Variants in IMMP2L observed in about 807,000 individuals in gnomAD.
IMMP2L encodes inner mitochondrial membrane peptidase subunit 2.
Under a neutral mutation model 19.3 loss-of-function variants are expected in IMMP2L, and 18 were observed. The observed-to-expected ratio is 0.93, with a 90% CI of 0.64 to 1.38. IMMP2L has a LOEUF of 1.38. Ranked by LOEUF, IMMP2L falls within the 40% of genes most tolerant of loss-of-function variation. The pLI is 0.00. For synonymous variants in IMMP2L, 76 were observed against 73.0 expected (o/e 1.04, Z -0.21); for missense variants, 233 against 218.2 (o/e 1.07, Z -0.43).
chr7:111,077,550 T>C (rs1795520485), intron 3 of IMMP2L, among the ~76,000 whole-genome samples: 1 of 152,184 alleles, frequency 6.6e-6, no homozygotes, highest in Non-Finnish European at 1.5e-5. Context: ...TACTGTCATC[T>C]CTCAACATCT....
At chr7:111,096,641 G>A (rs1447623774) in intron 3 of IMMP2L, among the ~76,000 whole-genome samples, 1 of 151,724 alleles carries the variant, frequency 6.6e-6, no homozygotes, top group African/African-American at 2.4e-5. Flanking sequence ...ACTTGGCAAA[G>A]GTCTCAAAAA....
chr7:111,384,602 A>G (rs960726972), intron 3 of IMMP2L, among the ~76,000 whole-genome samples: 1 of 152,096 alleles, frequency 6.6e-6, no homozygotes, highest in Non-Finnish European at 1.5e-5. Context: ...GCCTTTGTAT[A>G]ATAGGTAAAA....
At chr7:111,327,349 C>A (rs1825428043) in intron 3 of IMMP2L, among the ~76,000 whole-genome samples, 1 of 151,630 alleles carries the variant, frequency 6.6e-6, no homozygotes, top group Admixed American at 6.6e-5. Context: ...CCTCATTTAA[C>A]CTGCTTTATG....
intron 3 of IMMP2L, among the ~76,000 whole-genome samples, chr7:111,258,987 T>C (rs754163674): frequency 6.6e-6 from 1 of 152,076 alleles, no homozygotes; most frequent in Non-Finnish European, 1.5e-5. Flanking sequence ...CTACCACACA[T>C]GTAGGCTATA....
At chr7:110,969,412 A>C (rs2129556348) in intron 3 of IMMP2L, among the ~76,000 whole-genome samples, 1 of 152,172 alleles carries the variant, frequency 6.6e-6, no homozygotes, top group Non-Finnish European at 1.5e-5. Flanking sequence ...TTCATTCATA[A>C]AATCCTCTCA....
intron 3 of IMMP2L, among the ~76,000 whole-genome samples, chr7:111,225,453 T>C (rs1243096627): frequency 1.3e-5 from 2 of 151,998 alleles, no homozygotes; most frequent in Non-Finnish European, 2.9e-5. Context: ...GACCAATACA[T>C]GCATGGGTAA....
intron 3 of IMMP2L, among the ~76,000 whole-genome samples, chr7:111,353,485 T>C (rs37653): frequency 0.054 from 8,288 of 152,254 alleles, 328 homozygotes; most frequent in African/African-American, 0.11. Flanking sequence ...TTTTAAAAAC[T>C]CAAAACCCTT....
At chr7:111,338,318 G>A (rs1389124604) in intron 3 of IMMP2L, among the ~76,000 whole-genome samples, 1 of 151,896 alleles carries the variant, frequency 6.6e-6, no homozygotes, top group Non-Finnish European at 1.5e-5. Flanking sequence ...TTTCTCCTTA[G>A]CACGTTCCTC....
At chr7:111,543,533 C>T (rs939876485) in intron 1 of IMMP2L, among the ~76,000 whole-genome samples, 1 of 152,140 alleles carries the variant, frequency 6.6e-6, no homozygotes, top group Non-Finnish European at 1.5e-5. Flanking sequence ...AGCATGGCTT[C>T]TAACCAACCA....
At chr7:111,253,644 G>C (rs1013103467) in intron 3 of IMMP2L, among the ~76,000 whole-genome samples, 3 of 152,150 alleles carry the variant, frequency 2.0e-5, no homozygotes, top group Admixed American at 6.5e-5. Context: ...GAGAGTATAA[G>C]GTGTGTGTTG....
At chr7:111,394,719 C>G (rs1212076471) in intron 3 of IMMP2L, among the ~76,000 whole-genome samples, 1 of 152,070 alleles carries the variant, frequency 6.6e-6, no homozygotes, top group African/African-American at 2.4e-5. Flanking sequence ...AATCAAAAAC[C>G]TAGGAATCTC....
At chr7:110,684,893 G>A (rs1257056543) in intron 5 of IMMP2L, among the ~76,000 whole-genome samples, 3 of 151,982 alleles carry the variant, frequency 2.0e-5, no homozygotes, top group Admixed American at 6.6e-5. Flanking sequence ...TTCTGGCCAC[G>A]CTCAACCTAC....
rs556232933 is a variant in IMMP2L, at chr7:110,870,409, G to A, written c.408+16184C>T. 2.6e-5 allele frequency among the ~76,000 whole-genome samples: 4 copies of A among 152,208 alleles called. No homozygotes were observed. The highest frequency in any genetic ancestry group is 6.6e-5 in the Admixed American group (1 of 15,258). On this transcript the variant is annotated intron_variant, in intron 5 of 5. Transcript: ENST00000405709. This position sits in a 1 kb window ranked among gnomAD's most constrained non-coding sequence, Gnocchi z 4.2. ...GTAGGTGCCTATTATGAGCCAGCCA[G>A]GCACTGTGCTACAGCAGTGAACCAA...
In IMMP2L at chr7:111,275,771, T is replaced by G. The variant is rs112869033; in HGVS notation, c.239+211467A>C. On this transcript the variant is annotated intron_variant, in intron 3 of 5. Coordinates refer to ENST00000405709, the MANE Select transcript of IMMP2L (RefSeq NM_032549.4). ...TATAGAGATCTTTCACTTCCTTGAT[T>G]AAATATATTCCTAGGCATTTTTTAA... is the stretch of plus-strand genomic sequence containing the variant. 3.6e-3 allele frequency among the ~76,000 whole-genome samples: 544 copies of G among 152,270 alleles called. 2 individuals carry two copies. The highest frequency in any genetic ancestry group is 0.012 in the African/African-American group (514 of 41,560).
intron 3 of IMMP2L, among the ~76,000 whole-genome samples, chr7:111,160,092 G>A (rs193071271): frequency 1.3e-5 from 2 of 152,112 alleles, no homozygotes; most frequent in East Asian, 1.9e-4. Context: ...ACTGATCAGT[G>A]ATGAGAGATG....
chr7:111,299,363 T>C (rs964052360), intron 3 of IMMP2L, among the ~76,000 whole-genome samples: 1 of 152,144 alleles, frequency 6.6e-6, no homozygotes, highest in Non-Finnish European at 1.5e-5. Context: ...TATCACTAAA[T>C]AGCTGTTAAT....
intron 5 of IMMP2L, among the ~76,000 whole-genome samples, chr7:110,878,984 A>G (rs1809358293): frequency 6.6e-6 from 1 of 152,180 alleles, no homozygotes; most frequent in Admixed American, 6.5e-5. Flanking sequence ...GACATGTAGT[A>G]TTTAGACCTC....
chr7:111,422,781 T>C (rs1266892042), intron 3 of IMMP2L, among the ~76,000 whole-genome samples: 1 of 151,864 alleles, frequency 6.6e-6, no homozygotes, highest in South Asian at 2.1e-4. Context: ...AGAGAGGGCA[T>C]CCTTGTCTTG....
At chr7:111,523,014 T>C (rs1276176669) in intron 1 of IMMP2L, among the ~76,000 whole-genome samples, 1 of 150,104 alleles carries the variant, frequency 6.7e-6, no homozygotes, top group Non-Finnish European at 1.5e-5. Flanking sequence ...TTAAGTAAAA[T>C]AACCCAGGCA....
Sources: gnomAD v4.1 joint callset for allele counts (sites outside exome capture counted in the v4.1 genomes callset) on GRCh38, gnomAD v4.1.1 for gene constraint, Gnocchi (gnomAD v3.1) non-coding constraint, MANE v1.5 for transcripts, NCBI Gene and HGNC (gene_info 2026-07-23, HGNC 2026-07-21) for gene names.